Variants in HYDIN observed in about 807,000 individuals in gnomAD.
HYDIN encodes the protein HYDIN axonemal central pair apparatus protein.
HYDIN carries 132 observed loss-of-function variants against 403.9 expected under a neutral mutation model. The ratio of observed to expected loss-of-function variants is 0.33; its 90% CI spans 0.28 to 0.38. The LOEUF is 0.38. HYDIN is among the 10% of genes least tolerant of loss of function. The pLI is 1.00. For missense variants in HYDIN, 2,827 were observed against 5,009.5 expected (o/e 0.56, Z 13.15); for synonymous variants, 1,202 against 1,891.7 (o/e 0.64, Z 9.46).
intron 1 of HYDIN, among the ~76,000 whole-genome samples, chr16:71,224,654 C>T (rs1039094104): frequency 6.1e-5 from 9 of 148,530 alleles, no homozygotes; most frequent in Non-Finnish European, 1.0e-4. Context: ...CTCCGCCTCC[C>T]GGGTTCACGC....
At position 71,175,651 on chromosome 16, in the gene HYDIN, C is replaced by T. The variant is rs776070986; in HGVS notation, c.472G>A (p.Val158Met). 2 of 1,614,024 alleles carry T rather than the reference C, an allele frequency of 1.2e-6. No individual in the cohort carries two copies. Among genetic ancestry groups the T allele is most frequent in the South Asian group, 2.2e-5 (2 of 91,088 alleles). ...AAGAGGATTCGGAATATGGAAGGCA[C>T]TCCAGGAGCCACTTTGTGGCCAATA... ...KDIGHKVAPG[V>M]PSIFRILFTP... Residue 158 changes from valine to methionine, a missense_variant, in exon 5 of 86, where the codon GTG becomes ATG. Physicochemically the swap from Val to Met is conservative, Grantham distance 21. Coordinates refer to ENST00000393567, the MANE Select transcript of HYDIN (RefSeq NM_001270974.2).
chr16:71,176,955 G>C (rs1194675340), intron 4 of HYDIN, among the ~76,000 whole-genome samples: 1 of 152,178 alleles, frequency 6.6e-6, no homozygotes, highest in African/African-American at 2.4e-5. Context: ...GGTTCTTTAT[G>C]AAACTGTGAA....
chr16:71,178,850 TC>T, intron 4 of HYDIN, 77 bp downstream of exon 4: 1 of 1,178,438 alleles, frequency 8.5e-7, no homozygotes. Flanking sequence ...TTATCAAAGA[TC>T]CCTCAAGATC....
rs202053759 is a variant in HYDIN at position 71,031,845 on chromosome 16, C to T, written c.2602G>A (p.Ala868Thr). Reference sequence around the variant, plus strand: ...GTGTCATTCAGGTTGGCGGTCAGTGCCAGTTGAACATCAGTTTCTGGAGGA... The same window carrying T: ...GTGTCATTCAGGTTGGCGGTCAGTGTCAGTTGAACATCAGTTTCTGGAGGA... ...MVPPETDVQL[A>T]LTANLNDTLT... Residue 868 changes from alanine to threonine, a missense_variant, in exon 19 of 86, where the codon GCA becomes ACA. Ala to Thr is a moderately conservative substitution (Grantham distance 58). Coordinates refer to ENST00000393567, the MANE Select transcript of HYDIN (RefSeq NM_001270974.2). 8.5e-4 allele frequency: 1,016 copies of T among 1,191,726 alleles called. 2 individuals carry two copies. The highest frequency in any genetic ancestry group is 1.2e-3 in the Non-Finnish European group (942 of 801,082). The allele number at this position is 1,191,726 out of a possible 1,614,324, so 73.8% of individuals were successfully genotyped here.
At chr16:70,898,847 G>C (rs2076280914) in intron 53 of HYDIN, among the ~76,000 whole-genome samples, 3 of 150,782 alleles carry the variant, frequency 2.0e-5, no homozygotes, top group Admixed American at 6.6e-5. Flanking sequence ...GGGTTCAAGT[G>C]ATTCTCCTGC....
chr16:71,066,922 A>C, intron 15 of HYDIN: 1 of 614,802 alleles, frequency 1.6e-6, no homozygotes, highest in Non-Finnish European at 3.0e-6. Context: ...CCTATTGCAT[A>C]ACTCTGGAGC....
At chr16:71,086,207 G>T (rs909719708) in intron 12 of HYDIN, among the ~76,000 whole-genome samples, 4 of 152,070 alleles carry the variant, frequency 2.6e-5, no homozygotes, top group Non-Finnish European at 5.9e-5. Context: ...CTGAATTTGG[G>T]TAAATAATTC....
At chr16:70,909,387 A>C (rs2076626568) in intron 47 of HYDIN, among the ~76,000 whole-genome samples, 1 of 152,194 alleles carries the variant, frequency 6.6e-6, no homozygotes, top group Non-Finnish European at 1.5e-5. Context: ...GATCAAAAAA[A>C]AATTTTTGCC....
At chr16:71,117,699 C>A (rs1194659099) in intron 9 of HYDIN, among the ~76,000 whole-genome samples, 2 of 151,762 alleles carry the variant, frequency 1.3e-5, no homozygotes, top group Admixed American at 6.6e-5. Flanking sequence ...TCCAGACAGT[C>A]CCTGGTGCAT....
At chr16:71,124,377 C>G (rs951585820) in intron 9 of HYDIN, among the ~76,000 whole-genome samples, 31 of 152,260 alleles carry the variant, frequency 2.0e-4, no homozygotes, top group African/African-American at 7.0e-4. Context: ...ATACTGTTCA[C>G]AAGATTTTAT....
chr16:70,958,549 T>C (rs570372049), intron 39 of HYDIN, among the ~76,000 whole-genome samples: 149 of 152,120 alleles, frequency 9.8e-4, no homozygotes, highest in South Asian at 3.5e-3. Flanking sequence ...CCTGAGCCTC[T>C]GCAGGTGTGT....
intron 38 of HYDIN, among the ~76,000 whole-genome samples, chr16:70,960,655 A>T (rs1163663996): frequency 6.6e-6 from 1 of 152,022 alleles, no homozygotes; most frequent in African/African-American, 2.4e-5. Flanking sequence ...TATCTTGGAC[A>T]TCTTTCCATT....
chr16:71,109,428 C>T (rs555040192), intron 10 of HYDIN, among the ~76,000 whole-genome samples: 1 of 137,092 alleles, frequency 7.3e-6, no homozygotes, highest in South Asian at 2.2e-4. Context: ...CTTCTACATG[C>T]CACGTTTATC....
intron 44 of HYDIN, among the ~76,000 whole-genome samples, chr16:70,938,149 C>T (rs2077552501): frequency 6.6e-6 from 1 of 152,354 alleles, no homozygotes; most frequent in South Asian, 2.1e-4. Context: ...AGAAGGGGAC[C>T]CAGGCAGGGG....
At chr16:71,186,121 A>G (rs2087134828) in intron 2 of HYDIN, among the ~76,000 whole-genome samples, 2 of 105,698 alleles carry the variant, frequency 1.9e-5, no homozygotes, top group Non-Finnish European at 2.5e-5. Flanking sequence ...ACAAAAGAGA[A>G]TAATGATTGA....
At chr16:70,950,343 T>C (rs988376968) in intron 41 of HYDIN, among the ~76,000 whole-genome samples, 8 of 151,994 alleles carry the variant, frequency 5.3e-5, no homozygotes, top group African/African-American at 1.9e-4. Flanking sequence ...CTCCACCTTC[T>C]GGGTTCAAGT....
chr16:71,044,849 T>C (rs1025551181), intron 18 of HYDIN, among the ~76,000 whole-genome samples: 27 of 149,494 alleles, frequency 1.8e-4, no homozygotes, highest in African/African-American at 6.6e-4. Flanking sequence ...ATATTGTATA[T>C]ACAAATTGTA....
intron 83 of HYDIN, among the ~76,000 whole-genome samples, chr16:70,818,945 C>T (rs1197542144): frequency 6.6e-6 from 1 of 152,170 alleles, no homozygotes; most frequent in Non-Finnish European, 1.5e-5. Context: ...GAAGGAGTCT[C>T]ACTCTGTTGC....
At chr16:71,162,783 T>C (rs1287970669) in intron 5 of HYDIN, 53 bp from the exon 6 acceptor site, 1 of 591,734 alleles carries the variant, frequency 1.7e-6, no homozygotes, top group African/African-American at 1.9e-5. Context: ...ATGATCACGA[T>C]AACTGTTCAA....
Sources: gnomAD v4.1 joint callset for allele counts (sites outside exome capture counted in the v4.1 genomes callset) on GRCh38, gnomAD v4.1.1 for gene constraint, MANE v1.5 for transcripts, NCBI Gene and HGNC (gene_info 2026-07-23, HGNC 2026-07-21) for gene names.